RBFOX1: variants seen among roughly 807,000 people sequenced by gnomAD.
The protein encoded by RBFOX1 is RNA binding fox-1 homolog 1, also known as RNA binding protein fox-1 homolog 1.
A neutral mutation model predicts 57.7 loss-of-function variants in RBFOX1; 8 were observed. The ratio of observed to expected loss-of-function variants is 0.14; its 90% CI spans 0.08 to 0.25. The LOEUF (loss-of-function observed/expected upper bound fraction) is 0.25. Among genes scored for constraint, RBFOX1 ranks in the 10% least tolerant of loss-of-function variants. RBFOX1 has a pLI of 1.00. For synonymous variants in RBFOX1, 326 were observed against 222.4 expected (o/e 1.47, Z -4.15); for missense variants, 611 against 548.5 (o/e 1.11, Z -1.14).
chr16:5,427,876 G>T (rs1288875536), intron 1 of RBFOX1, among the ~76,000 whole-genome samples: 1 of 152,172 alleles, frequency 6.6e-6, no homozygotes, highest in African/African-American at 2.4e-5. Context: ...AGAATACTGT[G>T]TGACCATCTA....
intron 4 of RBFOX1, among the ~76,000 whole-genome samples, chr16:7,314,242 A>C (rs929049434): frequency 2.6e-5 from 4 of 152,130 alleles, no homozygotes; most frequent in African/African-American, 2.4e-5. Flanking sequence ...CTAACAGAGG[A>C]AACGCAGTCA....
chr16:6,194,151 G>A (rs1194552656), intron 1 of RBFOX1, among the ~76,000 whole-genome samples: 1 of 152,004 alleles, frequency 6.6e-6, no homozygotes, highest in Non-Finnish European at 1.5e-5. Flanking sequence ...TCAGTTGATG[G>A]CCCTCAGGTC....
At chr16:6,296,354 C>T (rs753145501) in intron 1 of RBFOX1, among the ~76,000 whole-genome samples, 14 of 151,934 alleles carry the variant, frequency 9.2e-5, no homozygotes, top group Non-Finnish European at 1.8e-4. Flanking sequence ...CTATACTTAT[C>T]TGGAAAATGG....
intron 9 of RBFOX1, among the ~76,000 whole-genome samples, chr16:7,600,292 A>T (rs1388104692): frequency 1.3e-5 from 2 of 152,200 alleles, no homozygotes; most frequent in East Asian, 3.9e-4. Context: ...CACAAATGTC[A>T]ATTCTAATTA....
intron 3 of RBFOX1, among the ~76,000 whole-genome samples, chr16:6,890,120 A>T (rs563772334): frequency 6.6e-6 from 1 of 152,264 alleles, no homozygotes; most frequent in Non-Finnish European, 1.5e-5. Flanking sequence ...AAAATAAATA[A>T]TATAGGTGGT....
At chr16:6,750,621 A>G (rs2074744152) in intron 3 of RBFOX1, among the ~76,000 whole-genome samples, 1 of 152,230 alleles carries the variant, frequency 6.6e-6, no homozygotes, top group Non-Finnish European at 1.5e-5. Context: ...TGAAAGAAAC[A>G]TTGAGACCCA....
intron 3 of RBFOX1, among the ~76,000 whole-genome samples, chr16:6,680,294 T>TTTTTTTTTTTTTTTTTTTTTTTTTTTG (rs60731674): frequency 9.7e-6 from 1 of 103,056 alleles, no homozygotes; most frequent in Non-Finnish European, 1.9e-5. Flanking sequence ...TTTTTTTTTT[T>TTTTTTTTTTTTTTTTTTTTTTTTTTTG]ATTTGTCGCC....
In RBFOX1 at chr16:7,705,094, T is replaced by C. The variant is rs72636234; in HGVS notation, c.996-3962T>C. ...GAGAGCCAGAGAAAGAAGCATCTCT[T>C]CATCTCTCTAGGGAAGGGACATTTG... On this transcript the variant is annotated intron_variant, in intron 14 of 15. Transcript: ENST00000550418. Among the ~76,000 whole-genome samples, 1,971 of 150,408 alleles carry C rather than the reference T, an allele frequency of 0.013. 138 individuals are homozygous for C. The East Asian group carries it at 0.22, about 17-fold the overall frequency.
intron 3 of RBFOX1, among the ~76,000 whole-genome samples, chr16:6,694,856 C>A (rs1016584863): frequency 6.6e-6 from 1 of 151,996 alleles, no homozygotes; most frequent in East Asian, 1.9e-4. Flanking sequence ...AGTCCAGCCC[C>A]GGAGCCCTGG....
At chr16:6,407,809 C>A (rs1596737908) in intron 2 of RBFOX1, among the ~76,000 whole-genome samples, 1 of 152,218 alleles carries the variant, frequency 6.6e-6, no homozygotes, top group South Asian at 2.1e-4. Flanking sequence ...ACTAAATCAC[C>A]AATCCTCACG....
At chr16:7,073,809 A>G (rs554201378) in intron 4 of RBFOX1, among the ~76,000 whole-genome samples, 54 of 152,200 alleles carry the variant, frequency 3.5e-4, no homozygotes, top group Middle Eastern at 3.4e-3. Flanking sequence ...GTGAGCTGTG[A>G]TTTCATGACT....
At chr16:7,220,256 G>C (rs563941934) in intron 4 of RBFOX1, among the ~76,000 whole-genome samples, 1 of 152,184 alleles carries the variant, frequency 6.6e-6, no homozygotes, top group Non-Finnish European at 1.5e-5. Context: ...TATAGTACTC[G>C]TCAGTGGGCG....
At chr16:5,490,681 A>C (rs1476602779) in intron 2 of RBFOX1, among the ~76,000 whole-genome samples, 6 of 152,108 alleles carry the variant, frequency 3.9e-5, no homozygotes, top group Non-Finnish European at 8.8e-5. Context: ...CCGCCCGGAA[A>C]CTTCAAGGAG....
intron 4 of RBFOX1, among the ~76,000 whole-genome samples, chr16:7,244,663 T>C (rs928236995): frequency 1.3e-5 from 2 of 152,218 alleles, no homozygotes; most frequent in African/African-American, 4.8e-5. Context: ...CCTGTAAATG[T>C]ATGGTATGCA....
At chr16:6,108,168 C>A (rs1416249164) in intron 1 of RBFOX1, among the ~76,000 whole-genome samples, 4 of 152,118 alleles carry the variant, frequency 2.6e-5, no homozygotes, top group South Asian at 4.2e-4. Context: ...ATTGGTGATA[C>A]CTAAATTTAA....
chr16:7,367,959 G>A (rs962661497), intron 4 of RBFOX1, among the ~76,000 whole-genome samples: 4 of 151,828 alleles, frequency 2.6e-5, no homozygotes, highest in African/African-American at 9.7e-5. Context: ...AGGGTCACCA[G>A]TTTATAATCT....
At chr16:7,475,644 A>G (rs1192220219) in intron 4 of RBFOX1, among the ~76,000 whole-genome samples, 1 of 151,988 alleles carries the variant, frequency 6.6e-6, no homozygotes, top group East Asian at 1.9e-4. Context: ...GAGATAGCTA[A>G]GATCATGTTT....
chr16:7,650,027 A>AGAGGGAGGGAAGTACAG (rs1568280122), intron 11 of RBFOX1, among the ~76,000 whole-genome samples: 1 of 58,942 alleles, frequency 1.7e-5, no homozygotes, highest in African/African-American at 4.9e-5. Flanking sequence ...AAAGGAAGAA[A>AGAGGGAGGGAAGTACAG]GAGGGAGGGA....
At chr16:7,152,236 G>C (rs1200364672) in intron 4 of RBFOX1, among the ~76,000 whole-genome samples, 1 of 152,172 alleles carries the variant, frequency 6.6e-6, no homozygotes, top group Admixed American at 6.5e-5. Context: ...CATAGCGGTA[G>C]CACAAGTAGG....
Sources: gnomAD v4.1 joint callset for allele counts (sites outside exome capture counted in the v4.1 genomes callset) on GRCh38, gnomAD v4.1.1 for gene constraint, MANE v1.5 for transcripts, NCBI Gene and HGNC (gene_info 2026-07-23, HGNC 2026-07-21) for gene names.